Variants in PRIM2 observed in about 807,000 individuals in gnomAD.
PRIM2 encodes DNA primase subunit 2.
Under a neutral mutation model 67.3 loss-of-function variants are expected in PRIM2, and 39 were observed. The observed-to-expected ratio is 0.58, with a 90% confidence interval of 0.45 to 0.76. The LOEUF (loss-of-function observed/expected upper bound fraction) is 0.76, where lower values mean the gene tolerates loss of function less well. PRIM2 is among the 30% of genes least tolerant of loss of function. The pLI is 0.00. For synonymous variants in PRIM2, 143 were observed against 198.7 expected (o/e 0.72, Z 2.36); for missense variants, 398 against 598.7 (o/e 0.66, Z 3.50).
chr6:57,403,381 C>T (rs1220408426), intron 7 of PRIM2, among the ~76,000 whole-genome samples: 3 of 151,708 alleles, frequency 2.0e-5, no homozygotes, highest in South Asian at 2.1e-4. Flanking sequence ...CTCAGCCTCC[C>T]TAGTAGCTGG....
intron 10 of PRIM2, among the ~76,000 whole-genome samples, chr6:57,556,422 G>A (rs1775514749): frequency 6.6e-6 from 1 of 152,082 alleles, no homozygotes; most frequent in African/African-American, 2.4e-5. Flanking sequence ...AAAACAACAT[G>A]GTACTGGTAC....
At chr6:57,369,581 G>A (rs6915315) in intron 5 of PRIM2, among the ~76,000 whole-genome samples, 2 of 152,164 alleles carry the variant, frequency 1.3e-5, no homozygotes, top group East Asian at 1.9e-4. Context: ...CTGTTGATTG[G>A]ACATTAATCA....
At chr6:57,267,409 A>T in the PRIM2 span, among the ~76,000 whole-genome samples, 1 of 152,116 alleles carries the variant, frequency 6.6e-6, no homozygotes. Context: ...GAAGCGGGTT[A>T]CTGTCTTGGG....
At chr6:57,408,024 C>T (rs575441642) in intron 7 of PRIM2, among the ~76,000 whole-genome samples, 35 of 152,272 alleles carry the variant, frequency 2.3e-4, no homozygotes, top group Non-Finnish European at 4.4e-4. Context: ...TTTTTATGCT[C>T]GTGATCTTTA....
At chr6:57,585,340 GTAGT>G (rs1166981119) in intron 10 of PRIM2, among the ~76,000 whole-genome samples, 1 of 152,218 alleles carries the variant, frequency 6.6e-6, no homozygotes, top group Admixed American at 6.5e-5. Flanking sequence ...GTACATTACA[GTAGT>G]TAAAGTGGTA....
intron 13 of PRIM2, among the ~76,000 whole-genome samples, chr6:57,633,838 G>A (rs1167984847): frequency 4.6e-5 from 7 of 152,194 alleles, no homozygotes; most frequent in Non-Finnish European, 8.8e-5. Context: ...GGGAGTAGCT[G>A]TAAATACAGA....
At chr6:57,316,359 C>A (rs1166251770), upstream of PRIM2, among the ~76,000 whole-genome samples, 1 of 152,128 alleles carries the variant, frequency 6.6e-6, no homozygotes. Context: ...TTGCAGTGAG[C>A]CAAGATCGCT....
At chr6:57,447,877 G>A (rs1440744513) in intron 7 of PRIM2, among the ~76,000 whole-genome samples, 2 of 152,144 alleles carry the variant, frequency 1.3e-5, no homozygotes, top group African/African-American at 4.8e-5. Flanking sequence ...ATAATTAATT[G>A]AAGGAAAATT....
In PRIM2 at chr6:57,519,397, C is replaced by T. The variant is rs1411710804; in HGVS notation, c.761+11943C>T. Reference sequence around the variant, plus strand: ...CAGTCTCGACCATAAGAGATGGCTACGCCCAGGGGGGCCGTTCATAGGCCT... The same window carrying T: ...CAGTCTCGACCATAAGAGATGGCTATGCCCAGGGGGGCCGTTCATAGGCCT... On this transcript the variant is annotated intron_variant, in intron 8 of 13. Coordinates refer to ENST00000615550, the MANE Select transcript of PRIM2 (RefSeq NM_000947.5). Among the ~76,000 whole-genome samples the T allele has an allele frequency of 2.8e-4, 42 of 152,326 alleles. No homozygotes were observed. In the South Asian group the frequency reaches 4.1e-3, roughly 15 times the overall value.
chr6:57,471,926 A>C (rs1191978083), intron 7 of PRIM2, among the ~76,000 whole-genome samples: 5 of 152,198 alleles, frequency 3.3e-5, no homozygotes, highest in African/African-American at 1.2e-4. Context: ...AAAAGATGAA[A>C]GGTATTATAA....
chr6:57,481,961 G>T (rs1773640369), intron 7 of PRIM2, among the ~76,000 whole-genome samples: 1 of 152,164 alleles, frequency 6.6e-6, no homozygotes, highest in East Asian at 1.9e-4. Context: ...AAGGAGGTTA[G>T]GTTAGAAGCT....
the PRIM2 span, among the ~76,000 whole-genome samples, chr6:57,264,805 C>T: frequency 6.6e-6 from 1 of 151,914 alleles, no homozygotes; most frequent in Non-Finnish European, 1.5e-5. Context: ...ACCATCTTGG[C>T]CAAGATGGTT....
intron 10 of PRIM2, among the ~76,000 whole-genome samples, chr6:57,538,016 GT>G (rs1351821288): frequency 6.1e-5 from 9 of 147,406 alleles, no homozygotes; most frequent in African/African-American, 1.0e-4. Context: ...ATAAACTTTT[GT>G]TTTTTTTTTT....
At chr6:57,283,865 A>G in the PRIM2 span, among the ~76,000 whole-genome samples, 1 of 152,130 alleles carries the variant, frequency 6.6e-6, no homozygotes, top group Non-Finnish European at 1.5e-5. Flanking sequence ...GTACCTAGTC[A>G]TCATTTAATA....
intron 8 of PRIM2, among the ~76,000 whole-genome samples, chr6:57,524,210 C>T (rs1311409586): frequency 6.6e-6 from 1 of 152,284 alleles, no homozygotes; most frequent in African/African-American, 2.4e-5. Context: ...TAACCTTTCT[C>T]TTTTCAGCCT....
intron 7 of PRIM2, among the ~76,000 whole-genome samples, chr6:57,477,732 A>C (rs1286165571): frequency 2.0e-5 from 3 of 152,354 alleles, no homozygotes; most frequent in Non-Finnish European, 4.4e-5. Flanking sequence ...AGGAGGTTAT[A>C]GTAGTGAGAG....
intron 7 of PRIM2, among the ~76,000 whole-genome samples, chr6:57,400,178 T>C (rs559020128): frequency 2.0e-5 from 3 of 152,408 alleles, no homozygotes; most frequent in Non-Finnish European, 4.4e-5. Context: ...GGCTTGTTTG[T>C]GTGGTTGCTT....
At chr6:57,366,347 G>A (rs1300147785) in intron 5 of PRIM2, among the ~76,000 whole-genome samples, 2 of 152,162 alleles carry the variant, frequency 1.3e-5, no homozygotes, top group South Asian at 2.1e-4. Context: ...ATTGAAACTA[G>A]AAAGAGTTTA....
At chr6:57,514,019 C>T (rs1332366763) in intron 8 of PRIM2, among the ~76,000 whole-genome samples, 10 of 152,142 alleles carry the variant, frequency 6.6e-5, no homozygotes, top group Non-Finnish European at 1.3e-4. Context: ...AGTACTTGGA[C>T]TGCATCATAT....
Sources: allele counts gnomAD v4.1 joint callset (sites outside exome capture counted in the v4.1 genomes callset), GRCh38; gene constraint gnomAD v4.1.1; transcripts MANE v1.5; gene names NCBI Gene and HGNC (gene_info 2026-07-23, HGNC 2026-07-21).